The following KIF7 variants were observed in gnomAD, a reference collection of about 807,000 sequenced individuals.
KIF7 encodes kinesin-like protein KIF7.
A neutral mutation model predicts 135.7 loss-of-function variants in KIF7; 104 were observed. The ratio of observed to expected loss-of-function variants is 0.77; its 90% CI spans 0.65 to 0.90. KIF7 has a LOEUF of 0.90. KIF7 is among the 40% of genes least tolerant of loss of function. The pLI is 0.00. For synonymous variants in KIF7, 883 were observed against 809.4 expected (o/e 1.09, Z -1.54); for missense variants, 2,005 against 1,839.1 (o/e 1.09, Z -1.65).
At chr15:89,625,287 A>G (rs139222204), downstream of KIF7, 19 of 1,613,194 alleles carry the variant, frequency 1.2e-5, no homozygotes, top group Non-Finnish European at 1.6e-5. Flanking sequence ...CCCCCTCTCC[A>G]TTTCAAACAG....
chr15:89,634,808 T>A (rs534278974), intron 11 of KIF7, among the ~76,000 whole-genome samples: 4,288 of 152,194 alleles, frequency 0.028, 198 homozygotes, highest in African/African-American at 0.098. Context: ...GGAAGCTCGA[T>A]CTGGGTGGAG....
intron 1 of KIF7, chr15:89,621,256 G>A (rs1320487610): frequency 1.3e-6 from 1 of 753,918 alleles, no homozygotes; most frequent in African/African-American, 1.9e-5. Context: ...CCTGACCTCA[G>A]ACCATCCACC....
At chr15:89,633,291 G>C in intron 12 of KIF7, 25 bp from the exon 13 acceptor site, 1 of 1,545,226 alleles carries the variant, frequency 6.5e-7, no homozygotes, top group Non-Finnish European at 8.7e-7. Context: ...CAGTGGGCAG[G>C]GCTGTTTATG....
At chr15:89,617,613 C>T (rs924856395) in intron 2 of KIF7, among the ~76,000 whole-genome samples, 2 of 152,130 alleles carry the variant, frequency 1.3e-5, no homozygotes, top group East Asian at 1.9e-4. Context: ...ACCTCTGCCT[C>T]CCAGGTTCAA....
Position 89,628,097 on chromosome 15 carries a change from T to G in KIF7, c.*322A>C. On this transcript the variant is annotated 3_prime_UTR_variant, in exon 19 of 19. Transcript: ENST00000394412. ...GTTACCACCGACCCTTTCGTGATGA[T>G]TCTTGGCCAAACCCCTGAACTACAA... The G allele has an allele frequency of 7.0e-6, 2 of 286,442 alleles. No homozygotes were observed. The highest frequency in any genetic ancestry group is 6.3e-5 in the East Asian group (1 of 15,962). 17.7% of individuals were successfully genotyped at this position (286,442 alleles called of 1,614,324 possible). A position where few individuals can be genotyped will look rare whatever the true frequency, so the allele number is the denominator to read the frequency against.
chr15:89,618,267 T>C lies in KIF7; in HGVS notation c.181-72A>G. ...ATCTACCCAGCTTCTATGAAAACCT[T>C]TCTGTATGTATTGTTACTTGGCATA... On this transcript the variant is annotated intron_variant and NMD_transcript_variant, in intron 1 of 2. Coordinates refer to the KIF7 transcript ENST00000558928. 2.0e-6 allele frequency: 3 copies of C among 1,501,500 alleles called. No homozygotes were observed. The South Asian group carries it at 3.4e-5, about 17-fold the overall frequency. 93.0% of individuals were successfully genotyped at this position (1,501,500 alleles called of 1,614,324 possible).
At chr15:89,654,072 C>G (rs538013069) in intron 1 of KIF7, among the ~76,000 whole-genome samples, 1 of 152,128 alleles carries the variant, frequency 6.6e-6, no homozygotes, top group African/African-American at 2.4e-5. Context: ...TGCAGTGGCC[C>G]GATCTCCGCT....
rs144359873 is a variant in KIF7, at chr15:89,633,248, C to A, written c.2611G>T (p.Glu871Ter). 7.6e-6 allele frequency: 12 copies of A among 1,576,474 alleles called. No individual in the cohort carries two copies. Among genetic ancestry groups the A allele is most frequent in the Non-Finnish European group, 8.6e-7 (1 of 1,164,024 alleles). ...ATCTTCAGGATCTTCTGCTGTTGCT[C>A]ATGCTTCAGCTCCAGCTCCTGGGTG... ...HRVKELELKH[E>*]QQQKILKIKT... Residue 871 changes from glutamate to a stop codon, truncating the protein, a stop_gained, in exon 13 of 19, where the codon GAG (glutamate) becomes TAG (stop). Transcript: ENST00000394412. LOFTEE classifies it high-confidence loss of function.
At chr15:89,651,981 A>G (rs1018926460) in intron 2 of KIF7, among the ~76,000 whole-genome samples, 2 of 152,200 alleles carry the variant, frequency 1.3e-5, no homozygotes, top group African/African-American at 4.8e-5. Flanking sequence ...TGGTGCCTTC[A>G]TCTTAAACTT....
chr15:89,650,032 G>A, intron 2 of KIF7, 91 bp from the exon 3 acceptor site: 1 of 1,298,482 alleles, frequency 7.7e-7, no homozygotes, highest in Non-Finnish European at 1.1e-6. Context: ...TGCCAGAGCT[G>A]GAGGATGGTG....
Position 89,631,575 on chromosome 15 carries a change from G to C in KIF7, c.3031C>G (p.Arg1011Gly). ...TTGAGCAGCGAGTCCTTCTCCTGGC[G>C]CAGGCTGTCGATCTCCCCGCGGATC... The part of the protein sequence containing the change: ...QQIRGEIDSL[R>G]QEKDSLLKQR... The change falls in exon 15 of 19, where the codon CGC (arginine) becomes GGC (glycine). Residue 1011 changes from arginine to glycine, a missense_variant. Coordinates refer to ENST00000394412, the MANE Select transcript of KIF7 (RefSeq NM_198525.3). 6.4e-7 allele frequency: 1 copy of C among 1,568,098 alleles called. No individual in the cohort carries two copies. Among genetic ancestry groups the C allele is most frequent in the East Asian group, 2.4e-5 (1 of 42,388 alleles).
At chr15:89,647,555 C>T in intron 6 of KIF7, 41 bp downstream of exon 6, 1 of 1,548,462 alleles carries the variant, frequency 6.5e-7, no homozygotes, top group Non-Finnish European at 8.9e-7. Flanking sequence ...CTTCATCCTC[C>T]TCTGGGAAGC....
At chr15:89,620,774 G>A (rs1313536544) in intron 1 of KIF7, among the ~76,000 whole-genome samples, 2 of 152,156 alleles carry the variant, frequency 1.3e-5, no homozygotes, top group African/African-American at 2.4e-5. Context: ...CCAGGCTGGA[G>A]TGCAGTGGCG....
chr15:89,648,838 G>A, intron 4 of KIF7, 64 bp from the exon 5 acceptor site: 1 of 1,480,364 alleles, frequency 6.8e-7, no homozygotes, highest in Non-Finnish European at 8.9e-7. Context: ...CAGCGGGCCA[G>A]ACCTGGGACC....
rs386383750 is a variant in KIF7, at chr15:89,619,221, C to CTTT, written c.181-1029_181-1027dup. 1.4e-3 allele frequency among the ~76,000 whole-genome samples: 162 copies of CTTT among 111,968 alleles called. 9 individuals are homozygous for CTTT. Among genetic ancestry groups the CTTT allele is most frequent in the African/African-American group, 3.0e-3 (85 of 28,482 alleles). 73.5% of individuals were successfully genotyped at this position (111,968 alleles called of 152,430 possible). On this transcript the variant is annotated intron_variant and NMD_transcript_variant, in intron 1 of 2. Transcript: ENST00000558928. ...CTTGTTTTCGCCCTACACCATTCTT[C>CTTT]TTTTTTTTTTTTTTTTTTTGGTGAG...
intron 12 of KIF7, 129 bp downstream of exon 12, chr15:89,633,557 A>G: frequency 9.7e-7 from 1 of 1,034,170 alleles, no homozygotes; most frequent in South Asian, 1.4e-5. Flanking sequence ...AAACAGACTC[A>G]GGCTAAGTGA....
At chr15:89,627,026 C>T, downstream of KIF7, 1 of 1,614,130 alleles carries the variant, frequency 6.2e-7, no homozygotes, top group South Asian at 1.1e-5. Context: ...CCAGGAGGCG[C>T]CCCATCAGCA....
chr15:89,654,989 G>A (rs1229615230), intron 1 of KIF7, among the ~76,000 whole-genome samples: 2 of 152,210 alleles, frequency 1.3e-5, no homozygotes, highest in Non-Finnish European at 2.9e-5. Flanking sequence ...CCTGCTCTCC[G>A]CACAGCGCTC....
intron 11 of KIF7, among the ~76,000 whole-genome samples, chr15:89,636,179 C>T (rs545310771): frequency 2.8e-4 from 42 of 151,926 alleles, no homozygotes; most frequent in South Asian, 2.5e-3. Flanking sequence ...CTGAAGGAAG[C>T]GCTAAACATG....
Sources: gnomAD v4.1 joint callset for allele counts (sites outside exome capture counted in the v4.1 genomes callset) on GRCh38, gnomAD v4.1.1 for gene constraint, MANE v1.5 for transcripts, NCBI Gene and HGNC (gene_info 2026-07-23, HGNC 2026-07-21) for gene names.